The following OSBPL6 variants were observed in gnomAD, a reference collection of about 807,000 sequenced individuals.
The protein encoded by OSBPL6 is oxysterol binding protein like 6.
A neutral mutation model predicts 125.8 loss-of-function variants in OSBPL6; 49 were observed. The observed-to-expected ratio is 0.39, with a 90% confidence interval of 0.31 to 0.49. OSBPL6 has a LOEUF of 0.49. Among genes scored for constraint, OSBPL6 ranks in the 20% least tolerant of loss-of-function variants. The pLI is 0.88. For missense variants in OSBPL6, 986 were observed against 1,135.4 expected (o/e 0.87, Z 1.89); for synonymous variants, 394 against 391.8 (o/e 1.01, Z -0.07).
At chr2:178,213,800 A>G (rs2089973313) in intron 1 of OSBPL6, among the ~76,000 whole-genome samples, 1 of 152,160 alleles carries the variant, frequency 6.6e-6, no homozygotes, top group Non-Finnish European at 1.5e-5. Context: ...GCTTGAATTC[A>G]TGTAGATGGT....
rs187699583 is a variant in OSBPL6 at position 178,395,625 on chromosome 2, T to C, written c.*66T>C. 1 of 1,245,516 alleles carries C rather than the reference T, an allele frequency of 8.0e-7. No homozygotes were observed. The highest frequency in any genetic ancestry group is 2.3e-5 in the East Asian group (1 of 42,558). The allele number at this position is 1,245,516 out of a possible 1,614,324, so 77.2% of individuals were successfully genotyped here. ...GAATAAATAACTATGCACAATTATGTTTCTTATAGCTATGTGTGGTTTCTG... is the reference window on the plus strand; with the variant it reads ...GAATAAATAACTATGCACAATTATGCTTCTTATAGCTATGTGTGGTTTCTG... On this transcript the variant is annotated 3_prime_UTR_variant, in exon 25 of 25. Coordinates refer to ENST00000190611, the MANE Select transcript of OSBPL6 (RefSeq NM_032523.4).
chr2:178,296,355 G>A (rs551116985), intron 2 of OSBPL6, among the ~76,000 whole-genome samples: 1 of 152,268 alleles, frequency 6.6e-6, no homozygotes, highest in East Asian at 1.9e-4. Context: ...GGAAACTGAA[G>A]CAAAGAGAGA....
intron 3 of OSBPL6, chr2:178,320,242 C>T (rs931694266): frequency 3.8e-6 from 6 of 1,598,704 alleles, no homozygotes; most frequent in Non-Finnish European, 5.1e-6. Flanking sequence ...CATGTTGGCA[C>T]ATTTCCACTT....
chr2:178,307,269 T>A (rs1330452270), intron 3 of OSBPL6, among the ~76,000 whole-genome samples: 1 of 152,148 alleles, frequency 6.6e-6, no homozygotes, highest in Non-Finnish European at 1.5e-5. Context: ...AAAAATGAAT[T>A]CATTTTCGAT....
intron 1 of OSBPL6, among the ~76,000 whole-genome samples, chr2:178,224,771 C>T (rs2090480150): frequency 6.6e-6 from 1 of 152,116 alleles, no homozygotes; most frequent in African/African-American, 2.4e-5. Flanking sequence ...CCCATCTCTA[C>T]AAGGAATTAA....
At chr2:178,319,149 C>T (rs1026272560) in intron 3 of OSBPL6, among the ~76,000 whole-genome samples, 21 of 152,178 alleles carry the variant, frequency 1.4e-4, no homozygotes, top group African/African-American at 4.8e-4. Context: ...CTGCACCATA[C>T]ACCATACCCC....
chr2:178,232,097 C>T (rs1207780843), intron 1 of OSBPL6, among the ~76,000 whole-genome samples: 1 of 152,052 alleles, frequency 6.6e-6, no homozygotes, highest in Non-Finnish European at 1.5e-5. Flanking sequence ...TCTCACTTAG[C>T]CAAAATAATA....
intron 1 of OSBPL6, among the ~76,000 whole-genome samples, chr2:178,216,637 G>C (rs976380087): frequency 2.6e-5 from 4 of 152,246 alleles, no homozygotes; most frequent in African/African-American, 9.6e-5. Flanking sequence ...TGGATGCTAA[G>C]TTTGGTGGAT....
At chr2:178,382,367 G>A (rs1694558106) in intron 15 of OSBPL6, 53 bp from the exon 16 acceptor site, 1 of 1,535,162 alleles carries the variant, frequency 6.5e-7, no homozygotes, top group African/African-American at 1.4e-5. Flanking sequence ...GATTATCTGA[G>A]CTTGCAAAAC....
At position 178,388,990 on chromosome 2, in the gene OSBPL6, G is replaced by A; in HGVS notation, c.2157-19G>A. ...TTGTGACCTTGGTTGTTTTTCATCA[G>A]TGTTACATTCTTCACTAGGTATGGA... On this transcript the variant is annotated intron_variant, in intron 20 of 24. Coordinates refer to ENST00000190611, the MANE Select transcript of OSBPL6 (RefSeq NM_032523.4). 1.2e-6 allele frequency: 2 copies of A among 1,612,010 alleles called. No homozygotes were observed. Among genetic ancestry groups the A allele is most frequent in the East Asian group, 2.2e-5 (1 of 44,802 alleles).
At chr2:178,294,214 T>C (rs1032368274) in intron 2 of OSBPL6, among the ~76,000 whole-genome samples, 3 of 152,204 alleles carry the variant, frequency 2.0e-5, no homozygotes, top group Admixed American at 1.3e-4. Context: ...AGGTGTCTTA[T>C]GCCTAGAATA....
rs1695954210 is a variant in OSBPL6, at chr2:178,398,056, C to T, written c.*2497C>T. On this transcript the variant is annotated 3_prime_UTR_variant, in exon 25 of 25. Coordinates refer to ENST00000190611, the MANE Select transcript of OSBPL6 (RefSeq NM_032523.4). ...ACCCAATTCACTAATATCATATCTC[C>T]TGTGGAATATTCATTGGTGCGATGG... 1 of 152,134 alleles carries T rather than the reference C, an allele frequency of 6.6e-6. No homozygotes were observed. The highest frequency in any genetic ancestry group is 2.4e-5 in the African/African-American group (1 of 41,412). The allele number at this position is 152,134 out of a possible 1,614,324, so 9.4% of individuals were successfully genotyped here. A position where few individuals can be genotyped will look rare whatever the true frequency, so the allele number is the denominator to read the frequency against.
At chr2:178,215,056 GTC>G (rs2090034348) in intron 1 of OSBPL6, among the ~76,000 whole-genome samples, 1 of 150,274 alleles carries the variant, frequency 6.7e-6, no homozygotes, top group Non-Finnish European at 1.5e-5. Flanking sequence ...CATCAAATAA[GTC>G]TCTGATGCAA....
chr2:178,392,211 T>C (rs1444737135), intron 22 of OSBPL6, among the ~76,000 whole-genome samples: 2 of 152,230 alleles, frequency 1.3e-5, no homozygotes, highest in African/African-American at 4.8e-5. Flanking sequence ...ATTAAATATA[T>C]GAATCTGTCA....
chr2:178,275,697 A>G (rs982473618), intron 1 of OSBPL6, among the ~76,000 whole-genome samples: 1 of 151,424 alleles, frequency 6.6e-6, no homozygotes, highest in African/African-American at 2.4e-5. Context: ...AAAGCGAGAC[A>G]AGGTCACTCA....
Position 178,399,786 on chromosome 2 carries a change from G to GT in OSBPL6, c.*4228dup, listed in dbSNP as rs1696050658. The GT allele has an allele frequency of 1.3e-5, 2 of 152,138 alleles. No individual in the cohort carries two copies. Among genetic ancestry groups the GT allele is most frequent in the African/African-American group, 4.8e-5 (2 of 41,428 alleles). The allele number at this position is 152,138 out of a possible 1,614,324, so 9.4% of individuals were successfully genotyped here. A position where few individuals can be genotyped will look rare whatever the true frequency, so the allele number is the denominator to read the frequency against. On this transcript the variant is annotated 3_prime_UTR_variant, in exon 25 of 25. Coordinates refer to ENST00000190611, the MANE Select transcript of OSBPL6 (RefSeq NM_032523.4). ...TGTGTCATTGTTTGTAAAATATACA[G>GT]TATTTATGTACAGTTTCAGAGACAT...
chr2:178,196,165 T>C (rs1461223197), intron 1 of OSBPL6, among the ~76,000 whole-genome samples: 1 of 152,174 alleles, frequency 6.6e-6, no homozygotes, highest in East Asian at 1.9e-4. Flanking sequence ...TTAGCAGGGT[T>C]CCCAAGGTCG....
chr2:178,321,131 T>C (rs1215959497), intron 3 of OSBPL6, among the ~76,000 whole-genome samples: 1 of 152,204 alleles, frequency 6.6e-6, no homozygotes, highest in Admixed American at 6.5e-5. Flanking sequence ...AGCCTGGCGA[T>C]GGAGCAAGAC....
intron 1 of OSBPL6, among the ~76,000 whole-genome samples, chr2:178,277,217 A>T (rs1024510494): frequency 6.6e-6 from 1 of 152,244 alleles, no homozygotes; most frequent in Non-Finnish European, 1.5e-5. Context: ...ATTCAACTGA[A>T]TAATAGAACT....
Sources: gnomAD v4.1 joint callset for allele counts (sites outside exome capture counted in the v4.1 genomes callset) on GRCh38, gnomAD v4.1.1 for gene constraint, MANE v1.5 for transcripts, NCBI Gene and HGNC (gene_info 2026-07-23, HGNC 2026-07-21) for gene names.